PUDP: variants seen among roughly 807,000 people sequenced by gnomAD.
The protein encoded by PUDP is pseudouridine-5'-phosphatase.
A neutral mutation model predicts 9.4 loss-of-function variants in PUDP; 8 were observed. The ratio of observed to expected loss-of-function variants is 0.85; its 90% CI spans 0.50 to 1.53. The LOEUF (loss-of-function observed/expected upper bound fraction) is 1.53. Ranked by LOEUF, PUDP falls within the 40% of genes most tolerant of loss-of-function variation. The pLI is 0.00. For synonymous variants in PUDP, 99 were observed against 80.7 expected (o/e 1.23, Z -1.22); for missense variants, 188 against 189.7 (o/e 0.99, Z 0.05).
intron 3 of PUDP, among the ~76,000 whole-genome samples, chrX:6,789,862 C>T (rs867296901): frequency 4.5e-3 from 43 of 9,537 alleles, no homozygotes; most frequent in African/African-American, 0.04. Context: ...AGAAAAAAGA[C>T]GATTGATAGA....
intron 3 of PUDP, among the ~76,000 whole-genome samples, chrX:6,818,907 T>G (rs952710898): frequency 1.8e-4 from 20 of 111,577 alleles, no homozygotes; most frequent in African/African-American, 5.9e-4. Flanking sequence ...TTTAACAAAT[T>G]TTAATACTAG....
At chrX:6,907,107 G>A (rs952610840) in intron 3 of PUDP, among the ~76,000 whole-genome samples, 1 of 110,620 alleles carries the variant, frequency 9.0e-6, no homozygotes, top group Non-Finnish European at 1.9e-5. Flanking sequence ...GGAGGGAGAC[G>A]GTGGGAGGTA....
intron 1 of PUDP, among the ~76,000 whole-genome samples, chrX:7,117,641 C>T (rs1932232639): frequency 8.9e-6 from 1 of 112,899 alleles, no homozygotes; most frequent in Admixed American, 9.3e-5. Flanking sequence ...GGCCATGTGG[C>T]AGAGAACGAA....
At chrX:6,987,556 C>T (rs1201503052) in intron 1 of PUDP, among the ~76,000 whole-genome samples, 1 of 112,182 alleles carries the variant, frequency 8.9e-6, no homozygotes, top group Non-Finnish European at 1.9e-5. Context: ...TAATAGCATA[C>T]ATTGTATATC....
At chrX:6,997,122 A>G (rs1161533656) in intron 1 of PUDP, among the ~76,000 whole-genome samples, 1 of 112,448 alleles carries the variant, frequency 8.9e-6, no homozygotes, top group Non-Finnish European at 1.9e-5. Context: ...TTTTGAGGGC[A>G]GGGCTGGGTT....
intron 3 of PUDP, among the ~76,000 whole-genome samples, chrX:6,804,197 C>T (rs1366139048): frequency 1.8e-5 from 2 of 111,051 alleles, no homozygotes; most frequent in African/African-American, 6.5e-5. Flanking sequence ...TCTCCACCCA[C>T]GCTGGAAATT....
At chrX:7,066,808 T>G (rs1447385448) in intron 3 of PUDP, among the ~76,000 whole-genome samples, 1 of 112,055 alleles carries the variant, frequency 8.9e-6, no homozygotes, top group African/African-American at 3.3e-5. Context: ...CTATTAGATG[T>G]TTTTTGCTGG....
chrX:7,092,653 G>T (rs896597660), intron 2 of PUDP, among the ~76,000 whole-genome samples: 1 of 111,542 alleles, frequency 9.0e-6, no homozygotes, highest in Non-Finnish European at 1.9e-5. Context: ...GAGATGAAAG[G>T]TCCCACCGTA....
chrX:6,894,597 C>G (rs1449812708), intron 3 of PUDP, among the ~76,000 whole-genome samples: 1 of 111,755 alleles, frequency 8.9e-6, no homozygotes, highest in African/African-American at 3.3e-5. Flanking sequence ...TTTCTGAGAA[C>G]AAACAGCCAA....
chrX:7,020,201 T>C (rs1929612092), intron 1 of PUDP, among the ~76,000 whole-genome samples: 5 of 110,566 alleles, frequency 4.5e-5, no homozygotes, highest in Non-Finnish European at 9.5e-5. Flanking sequence ...TAGAAGATGG[T>C]TTCCATTTGA....
At chrX:6,753,317 G>T (rs1925128941) in intron 3 of PUDP, among the ~76,000 whole-genome samples, 1 of 112,374 alleles carries the variant, frequency 8.9e-6, no homozygotes, top group African/African-American at 3.2e-5. Flanking sequence ...CCTTTTTATG[G>T]CTGAGTAGTA....
intron 3 of PUDP, among the ~76,000 whole-genome samples, chrX:6,950,052 G>GGAA (rs1928526360): frequency 9.0e-6 from 1 of 111,295 alleles, no homozygotes; most frequent in East Asian, 2.9e-4. Flanking sequence ...AAATGATGGA[G>GGAA]TCAGGCTGGG....
chrX:7,112,271 C>A (rs1441026396), intron 1 of PUDP, among the ~76,000 whole-genome samples: 2 of 112,006 alleles, frequency 1.8e-5, no homozygotes, highest in Admixed American at 1.9e-4. Context: ...GATTTGATTA[C>A]GGGTGCTGCC....
At chrX:6,898,855 G>T (rs529532157) in intron 3 of PUDP, among the ~76,000 whole-genome samples, 3 of 111,946 alleles carry the variant, frequency 2.7e-5, no homozygotes, top group African/African-American at 6.5e-5. Context: ...GTGGTGGGCT[G>T]GATTTAGCTT....
At chrX:7,119,009 A>G (rs1306040895) in intron 1 of PUDP, among the ~76,000 whole-genome samples, 1 of 112,394 alleles carries the variant, frequency 8.9e-6, no homozygotes, top group East Asian at 2.8e-4. Flanking sequence ...AAAAACAGTG[A>G]TTAAGAATAC....
chrX:6,787,009 C>G (rs1375912859), intron 3 of PUDP, among the ~76,000 whole-genome samples: 2 of 108,720 alleles, frequency 1.8e-5, no homozygotes, highest in African/African-American at 3.4e-5. Context: ...GTCTCTCCCC[C>G]CACCCCCCGA....
At chrX:6,855,044 G>C (rs1926884376) in intron 3 of PUDP, among the ~76,000 whole-genome samples, 1 of 109,115 alleles carries the variant, frequency 9.2e-6, no homozygotes, top group Admixed American at 9.8e-5. Context: ...AGTTTAAGCT[G>C]TGAGGATCCA....
chrX:6,849,866 A>C lies in PUDP; in HGVS notation c.*247+127267T>G, dbSNP rs987857260. 4.5e-5 allele frequency among the ~76,000 whole-genome samples: 5 copies of C among 112,117 alleles called. No homozygotes were observed. The Admixed American group carries it at 4.7e-4, about 11-fold the overall frequency. ...GTCCACAGCACAGTAAAAAAAACCA[A>C]TCCAGTTTCCTGACTGTGAGCTTAC... On this transcript the variant is annotated intron_variant and NMD_transcript_variant, in intron 3 of 3. Coordinates refer to the PUDP transcript ENST00000655425.
intron 3 of PUDP, among the ~76,000 whole-genome samples, chrX:6,902,088 A>G (rs1210268749): frequency 1.8e-5 from 2 of 110,742 alleles, no homozygotes; most frequent in South Asian, 3.9e-4. Flanking sequence ...GTCTCACTGT[A>G]TTGCCCAGGC....
Sources: allele counts gnomAD v4.1 joint callset (sites outside exome capture counted in the v4.1 genomes callset), GRCh38; gene constraint gnomAD v4.1.1; transcripts MANE v1.5; gene names NCBI Gene and HGNC (gene_info 2026-07-23, HGNC 2026-07-21).